Variants in IQCH observed in about 807,000 individuals in gnomAD.
IQCH encodes IQ motif containing H.
A neutral mutation model predicts 117.0 loss-of-function variants in IQCH; 98 were observed. That is an observed-to-expected ratio of 0.84 (90% CI 0.71 to 0.99). The LOEUF (loss-of-function observed/expected upper bound fraction) is 0.99. IQCH is among the 50% of genes least tolerant of loss of function. IQCH has a pLI of 0.00. For synonymous variants in IQCH, 412 were observed against 448.2 expected, an observed-to-expected ratio of 0.92 and a Z score of 1.02; for missense variants, 1,102 against 1,243.8, an observed-to-expected ratio of 0.89 and a Z score of 1.72.
In IQCH at chr15:67,385,003, G is replaced by A. The variant is rs1218381209; in HGVS notation, c.1440G>A (p.Arg480=). The change falls in exon 11 of 21, where the codon AGG becomes AGA. Residue 480 remains arginine, a synonymous_variant. Transcript: ENST00000335894. The surrounding 1 kb of genome is among the most constrained non-coding windows in gnomAD (Gnocchi z 4.6). ...CACAGCAGAACATGCAGCTGGGGAG[G>A]CTGTGTGACATCTTAGGTACAGTAA... ...FNTQQNMQLG[R]LCDILDANVN... is the part of the protein sequence containing the mutation. 4 of 1,607,214 alleles carry A rather than the reference G, an allele frequency of 2.5e-6. No individual in the cohort carries two copies. The highest frequency in any genetic ancestry group is 2.6e-6 in the Non-Finnish European group (3 of 1,174,122).
intron 6 of IQCH, among the ~76,000 whole-genome samples, chr15:67,354,341 C>T (rs1411207213): frequency 6.6e-6 from 1 of 151,722 alleles, no homozygotes; most frequent in African/African-American, 2.4e-5. Context: ...AAGAAAAAAC[C>T]TCATGGTCTC....
Position 67,388,889 on chromosome 15 carries a change from G to A in IQCH, c.1515G>A (p.Leu505=), listed in dbSNP as rs777978685. 6.2e-7 allele frequency: 1 copy of A among 1,613,770 alleles called. No homozygotes were observed. The highest frequency in any genetic ancestry group is 8.5e-7 in the Non-Finnish European group (1 of 1,179,758). ...CSHHMNDELV[L]YYKKILSLHA... is the part of the protein sequence containing the mutation. ...ATCATATGAATGACGAGTTAGTGCT[G>A]TATTACAAAAAAATCCTAAGTCTAC... Residue 505 remains leucine (L), a synonymous_variant, in exon 12 of 21, where the codon CTG becomes CTA. Transcript: ENST00000335894. The surrounding 1 kb of genome is among the most constrained non-coding windows in gnomAD (Gnocchi z 5.5).
At chr15:67,348,979 C>T (rs933238624) in intron 6 of IQCH, among the ~76,000 whole-genome samples, 2 of 152,082 alleles carry the variant, frequency 1.3e-5, no homozygotes, top group Non-Finnish European at 2.9e-5. Context: ...TCATTTTTGA[C>T]AAAGATGCAA....
intron 4 of IQCH, among the ~76,000 whole-genome samples, chr15:67,326,609 C>T (rs1968423260): frequency 6.6e-6 from 1 of 152,122 alleles, no homozygotes; most frequent in Admixed American, 6.6e-5. Context: ...CCTATTTCTC[C>T]ACATCCTCTC....
chr15:67,288,713 T>C (rs1211150073), intron 4 of IQCH, among the ~76,000 whole-genome samples: 1 of 152,150 alleles, frequency 6.6e-6, no homozygotes, highest in Non-Finnish European at 1.5e-5. Flanking sequence ...TCTGTGTCTT[T>C]TGATTGGAGA....
At chr15:67,264,751 G>T (rs918087010) in intron 3 of IQCH, among the ~76,000 whole-genome samples, 1 of 151,908 alleles carries the variant, frequency 6.6e-6, no homozygotes, top group Admixed American at 6.6e-5. Context: ...ATACCAGGGG[G>T]TGGGGATCAT....
intron 8 of IQCH, among the ~76,000 whole-genome samples, chr15:67,363,138 C>A (rs1047328242): frequency 2.0e-5 from 3 of 151,680 alleles, no homozygotes; most frequent in African/African-American, 7.3e-5. Context: ...ATTTAACTTA[C>A]CATCTTAAAG....
chr15:67,454,782 C>T lies in IQCH; in HGVS notation c.2506-10345C>T, dbSNP rs2082621472. ...AATATCCCATTGTACGGCTATACCA[C>T]ATTTTGTTAATTTATTCATCAGTGA... On this transcript the variant is annotated intron_variant, in intron 16 of 20. Transcript: ENST00000335894. This position sits in a 1 kb window ranked among gnomAD's most constrained non-coding sequence, Gnocchi z 5.2. 6.6e-6 allele frequency among the ~76,000 whole-genome samples: 1 copy of T among 152,200 alleles called. No homozygotes were observed. Among genetic ancestry groups the T allele is most frequent in the African/African-American group, 2.4e-5 (1 of 41,454 alleles).
At chr15:67,450,618 G>A (rs1010529940) in intron 16 of IQCH, among the ~76,000 whole-genome samples, 131 of 152,150 alleles carry the variant, frequency 8.6e-4, no homozygotes, top group African/African-American at 3.1e-3. Context: ...TACTGGATTC[G>A]GTTTGCCAGT....
rs1340211708 is a variant in IQCH, at chr15:67,424,199, C to T, written c.2505+2622C>T. Reference sequence around the variant, plus strand: ...ACACCCTGTCTCATTCCCTCTTACTCATCATATTCCCTCTACCACAGGGCC... The same window carrying T: ...ACACCCTGTCTCATTCCCTCTTACTTATCATATTCCCTCTACCACAGGGCC... On this transcript the variant is annotated intron_variant, in intron 16 of 20. Coordinates refer to ENST00000335894, the MANE Select transcript of IQCH (RefSeq NM_001031715.3). The surrounding 1 kb of genome is among the most constrained non-coding windows in gnomAD (Gnocchi z 4.9). Among the ~76,000 whole-genome samples the T allele has an allele frequency of 1.3e-5, 2 of 152,120 alleles. No homozygotes were observed. The highest frequency in any genetic ancestry group is 2.4e-5 in the African/African-American group (1 of 41,410).
chr15:67,267,496 C>T (rs1965724722), intron 3 of IQCH, among the ~76,000 whole-genome samples: 1 of 152,186 alleles, frequency 6.6e-6, no homozygotes, highest in East Asian at 1.9e-4. Context: ...TGATTGAGAG[C>T]TTGGTCCTGG....
chr15:67,325,166 T>A (rs1440179214), intron 4 of IQCH, among the ~76,000 whole-genome samples: 1 of 152,174 alleles, frequency 6.6e-6, no homozygotes, highest in South Asian at 2.1e-4. Context: ...TTCCCTACCC[T>A]TTCTTCTGCC....
At position 67,254,967 on chromosome 15, in the gene IQCH, C is replaced by T. The variant is rs1174390965; in HGVS notation, c.51+20C>T. Reference sequence around the variant, plus strand: ...ATCCAGGTGGGAAACGGGCTTCCCCCGGCCCTGCCCTGCCCAGCCGCGCCA... The same window carrying T: ...ATCCAGGTGGGAAACGGGCTTCCCCTGGCCCTGCCCTGCCCAGCCGCGCCA... On this transcript the variant is annotated intron_variant, in intron 1 of 20. Transcript: ENST00000335894. 1 of 1,609,030 alleles carries T rather than the reference C, an allele frequency of 6.2e-7. No homozygotes were observed. Among genetic ancestry groups the T allele is most frequent in the African/African-American group, 1.3e-5 (1 of 74,808 alleles).
At position 67,493,992 on chromosome 15, in the gene IQCH, C is replaced by A. The variant is rs1189337466; in HGVS notation, c.2862-266C>A. Among the ~76,000 whole-genome samples, 1 of 152,170 alleles carries A rather than the reference C, an allele frequency of 6.6e-6. No individual in the cohort carries two copies. Among genetic ancestry groups the A allele is most frequent in the Non-Finnish European group, 1.5e-5 (1 of 68,034 alleles). ...AATGAACTCGTACAACATCCTAGCT[C>A]AGTGGTAGACTTTCGCTAGAAATGA... On this transcript the variant is annotated intron_variant, in intron 19 of 20. Coordinates refer to ENST00000335894, the MANE Select transcript of IQCH (RefSeq NM_001031715.3). The surrounding 1 kb of genome is among the most constrained non-coding windows in gnomAD (Gnocchi z 5.1).
chr15:67,365,484 G>C lies in IQCH; in HGVS notation c.753+5599G>C, dbSNP rs566501535. On this transcript the variant is annotated intron_variant, in intron 8 of 20. Transcript: ENST00000335894. The surrounding 1 kb of genome is among the most constrained non-coding windows in gnomAD (Gnocchi z 4.4). ...TTACCGTGTGCCAGGCAGTGTACTA[G>C]ATAGGCACTGGGGACACAACAATGA... Among the ~76,000 whole-genome samples the C allele has an allele frequency of 6.6e-6, 1 of 152,260 alleles. No individual in the cohort carries two copies. The highest frequency in any genetic ancestry group is 1.9e-4 in the East Asian group (1 of 5,190).
chr15:67,368,168 A>G (rs563153095), intron 8 of IQCH, among the ~76,000 whole-genome samples: 71 of 152,344 alleles, frequency 4.7e-4, no homozygotes, highest in South Asian at 2.9e-3. Context: ...ATTTGAACCC[A>G]GGTTAGCTGG....
chr15:67,429,517 C>CA (rs1567180982), intron 16 of IQCH, among the ~76,000 whole-genome samples: 2 of 151,636 alleles, frequency 1.3e-5, no homozygotes, highest in African/African-American at 4.8e-5. Flanking sequence ...GACCCTGTCT[C>CA]AAAAAAATAA....
rs942576098 is a variant in IQCH, at chr15:67,376,572, A to C, written c.1372+3139A>C. 2.0e-5 allele frequency among the ~76,000 whole-genome samples: 3 copies of C among 152,220 alleles called. No individual in the cohort carries two copies. The highest frequency in any genetic ancestry group is 6.5e-5 in the Admixed American group (1 of 15,286). On this transcript the variant is annotated intron_variant, in intron 10 of 20. Coordinates refer to ENST00000335894, the MANE Select transcript of IQCH (RefSeq NM_001031715.3). The surrounding 1 kb of genome is among the most constrained non-coding windows in gnomAD (Gnocchi z 5.0). ...CATGCTGCTAGCCAATTGGGGCTGCACTAACTTGTTTGAACCCTTCAAATG... is the reference window on the plus strand; with the variant it reads ...CATGCTGCTAGCCAATTGGGGCTGCCCTAACTTGTTTGAACCCTTCAAATG...
At chr15:67,377,127 A>AAAAAGAAC (rs1555470651) in intron 10 of IQCH, among the ~76,000 whole-genome samples, 1,800 of 150,686 alleles carry the variant, frequency 0.012, 34 homozygotes, top group African/African-American at 0.041. Flanking sequence ...AAAAAAAAAA[A>AAAAAGAAC]AAAAGAAAAA....
Sources: gnomAD v4.1 joint callset for allele counts (sites outside exome capture counted in the v4.1 genomes callset) on GRCh38, gnomAD v4.1.1 for gene constraint, Gnocchi (gnomAD v3.1) non-coding constraint, MANE v1.5 for transcripts, NCBI Gene and HGNC (gene_info 2026-07-23, HGNC 2026-07-21) for gene names.